The following TP53I11 variants were observed in gnomAD, a reference collection of about 807,000 sequenced individuals.
The protein encoded by TP53I11 is tumor protein p53-inducible protein 11.
Under a neutral mutation model 23.3 loss-of-function variants are expected in TP53I11, and 9 were observed. The ratio of observed to expected loss-of-function variants is 0.39; its 90% CI spans 0.23 to 0.67. The LOEUF is 0.67. Among genes scored for constraint, TP53I11 ranks in the 30% least tolerant of loss-of-function variants. The pLI is 0.48. For missense variants in TP53I11, 170 were observed against 255.2 expected, an observed-to-expected ratio of 0.67 and a Z score of 2.27; for synonymous variants, 100 against 106.1, an observed-to-expected ratio of 0.94 and a Z score of 0.35.
rs2135411735 is a variant in TP53I11, at chr11:44,934,704, C to T, written c.*180G>A. 1 of 795,838 alleles carries T rather than the reference C, an allele frequency of 1.3e-6. No individual in the cohort carries two copies. The highest frequency in any genetic ancestry group is 1.8e-5 in the South Asian group (1 of 54,484). The allele number at this position is 795,838 out of a possible 1,614,324, so 49.3% of individuals were successfully genotyped here. On this transcript the variant is annotated 3_prime_UTR_variant, in exon 7 of 7. Coordinates refer to ENST00000525680, the MANE Select transcript of TP53I11 (RefSeq NM_006034.5). ...AGACCAGCATGTCAAGCCTGAAAGC[C>T]CAGGAGATCACAGCACACGGGGTGC...
chr11:44,949,377 G>A (rs1162130548), intron 1 of TP53I11, among the ~76,000 whole-genome samples: 1 of 152,104 alleles, frequency 6.6e-6, no homozygotes, highest in Non-Finnish European at 1.5e-5. Flanking sequence ...CTCCCCGCAG[G>A]CCCGCCCCGT....
In TP53I11 at chr11:44,936,640, C is replaced by T; in HGVS notation, c.334+163G>A. ...TCCACCAATGGCCACAAGATGGCAGCACATCCCCAGCAGAGAGCTTCATCA... is the reference window on the plus strand; with the variant it reads ...TCCACCAATGGCCACAAGATGGCAGTACATCCCCAGCAGAGAGCTTCATCA... On this transcript the variant is annotated intron_variant, in intron 5 of 6. Transcript: ENST00000525680. This position sits in a 1 kb window ranked among gnomAD's most constrained non-coding sequence, Gnocchi z 4.4. 1 of 1,343,368 alleles carries T rather than the reference C, an allele frequency of 7.4e-7. No homozygotes were observed. The highest frequency in any genetic ancestry group is 3.0e-5 in the East Asian group (1 of 33,488). The allele number at this position is 1,343,368 out of a possible 1,614,324, so 83.2% of individuals were successfully genotyped here.
At position 44,938,396 on chromosome 11, in the gene TP53I11, G is replaced by C. The variant is rs1299217911; in HGVS notation, c.-31-30C>G. The C allele has an allele frequency of 4.7e-6, 7 of 1,490,288 alleles. No individual in the cohort carries two copies. In the South Asian group the frequency reaches 8.0e-5, roughly 17 times the overall value. The allele number at this position is 1,490,288 out of a possible 1,614,324, so 92.3% of individuals were successfully genotyped here. A position where few individuals can be genotyped will look rare whatever the true frequency, so the allele number is the denominator to read the frequency against. ...GGGGAGACACCGGCCTCAGGCCACAGTTCCTACCCAGCTTCCAGACCCTAG... is the reference window on the plus strand; with the variant it reads ...GGGGAGACACCGGCCTCAGGCCACACTTCCTACCCAGCTTCCAGACCCTAG... On this transcript the variant is annotated intron_variant, in intron 1 of 6. Transcript: ENST00000525680.
chr11:44,945,757 G>C (rs746340150), intron 1 of TP53I11, among the ~76,000 whole-genome samples: 6 of 152,204 alleles, frequency 3.9e-5, no homozygotes, highest in Non-Finnish European at 7.4e-5. Flanking sequence ...CTGGCAGTGA[G>C]AGCCAGAGCC....
At chr11:44,945,933 C>G (rs1862351241) in intron 1 of TP53I11, among the ~76,000 whole-genome samples, 1 of 152,206 alleles carries the variant, frequency 6.6e-6, no homozygotes, top group African/African-American at 2.4e-5. Context: ...GATCCCCTAG[C>G]CCAGAATCTA....
intron 1 of TP53I11, among the ~76,000 whole-genome samples, chr11:44,946,014 T>G (rs1006739936): frequency 7.9e-5 from 12 of 152,202 alleles, no homozygotes; most frequent in African/African-American, 2.9e-4. Flanking sequence ...ACTAAGGGAC[T>G]TGTGTTCAGA....
intron 2 of TP53I11, 62 bp downstream of exon 2, chr11:44,938,145 C>T: frequency 3.9e-6 from 6 of 1,550,586 alleles, no homozygotes; most frequent in Middle Eastern, 1.7e-4. Context: ...AACCTTCTCC[C>T]CTAATGGTGG....
In TP53I11 at chr11:44,936,928, C is replaced by A; in HGVS notation, c.238-29G>T. 2 of 1,534,544 alleles carry A rather than the reference C, an allele frequency of 1.3e-6. No individual in the cohort carries two copies. The highest frequency in any genetic ancestry group is 1.2e-5 in the South Asian group (1 of 84,000). On this transcript the variant is annotated intron_variant, in intron 4 of 6. Transcript: ENST00000525680. This position sits in a 1 kb window ranked among gnomAD's most constrained non-coding sequence, Gnocchi z 4.4. Reference sequence around the variant, plus strand: ...CGGGCAGCGAGAGGGGCTCAGAGGTCCCGCTTGGGAGAGGGTGGGGGGTGA... The same window carrying A: ...CGGGCAGCGAGAGGGGCTCAGAGGTACCGCTTGGGAGAGGGTGGGGGGTGA...
At chr11:44,949,673 G>C (rs1209365573) in intron 1 of TP53I11, among the ~76,000 whole-genome samples, 3 of 152,072 alleles carry the variant, frequency 2.0e-5, no homozygotes, top group Non-Finnish European at 2.9e-5. Context: ...TGGGCGCGGC[G>C]TTCTGGCCCT....
At chr11:44,950,555 C>T (rs930816085) in intron 1 of TP53I11, 122 bp downstream of exon 1, 1 of 151,822 alleles carries the variant, frequency 6.6e-6, no homozygotes, top group Non-Finnish European at 1.5e-5. Context: ...CGCGCGGGGT[C>T]CCGGCCGCCC....
chr11:44,937,870 T>G (rs796338003), intron 2 of TP53I11, among the ~76,000 whole-genome samples: 5 of 152,356 alleles, frequency 3.3e-5, no homozygotes, highest in African/African-American at 1.2e-4. Flanking sequence ...ACTTGAAGCC[T>G]GGTCCTGCCA....
rs578009561 is a variant in TP53I11, at chr11:44,935,088, C to T, written c.437-71G>A. 4.4e-5 allele frequency: 70 copies of T among 1,596,136 alleles called. No individual in the cohort carries two copies. In the African/African-American group the frequency reaches 4.7e-4, roughly 11 times the overall value. On this transcript the variant is annotated intron_variant, in intron 6 of 6. Coordinates refer to ENST00000525680, the MANE Select transcript of TP53I11 (RefSeq NM_006034.5). ...GTGTCCCAGCGCTGCCCCCCTAGCC[C>T]GGAGCGCTGGTGTGGCCGTCTCCCT...
At chr11:44,946,538 C>T (rs142709624) in intron 1 of TP53I11, among the ~76,000 whole-genome samples, 27 of 152,308 alleles carry the variant, frequency 1.8e-4, no homozygotes, top group African/African-American at 4.3e-4. Context: ...ATGCGAGTCC[C>T]GTGGCAGTGG....
rs1015906636 is a variant in TP53I11, at chr11:44,937,176, AG to A, written c.237+127del. On this transcript the variant is annotated intron_variant, in intron 4 of 6. Transcript: ENST00000525680. ...GTGTAGGAGTCAGGTTCTCGGAGGC[AG>A]CCCCAGAGCCTGACAGATGGGCCCC... 3 of 1,206,980 alleles carry A rather than the reference AG, an allele frequency of 2.5e-6. No homozygotes were observed. The African/African-American group carries it at 4.6e-5, about 18-fold the overall frequency. 74.8% of individuals were successfully genotyped at this position (1,206,980 alleles called of 1,614,324 possible).
chr11:44,945,203 T>C (rs1454336307), intron 1 of TP53I11, among the ~76,000 whole-genome samples: 20 of 152,154 alleles, frequency 1.3e-4, no homozygotes, highest in Admixed American at 1.3e-3. Context: ...AGCACACCTG[T>C]TCCTCCACCC....
chr11:44,949,397 T>C (rs1862710558), intron 1 of TP53I11, among the ~76,000 whole-genome samples: 1 of 152,056 alleles, frequency 6.6e-6, no homozygotes, highest in South Asian at 2.1e-4. Flanking sequence ...TCAAGAAGTT[T>C]GTTTGAAAGA....
intron 1 of TP53I11, chr11:44,947,395 G>C (rs533789069): frequency 3.3e-6 from 1 of 305,508 alleles, no homozygotes; most frequent in Non-Finnish European, 6.6e-6. Context: ...CTCCCTCTCC[G>C]ACCTGCACCC....
rs1860749075 is a variant in TP53I11, at chr11:44,933,370, CA to C, written c.*1513del. 1.3e-5 allele frequency: 2 copies of C among 152,474 alleles called. No homozygotes were observed. Among genetic ancestry groups the C allele is most frequent in the African/African-American group, 4.8e-5 (2 of 41,468 alleles). The allele number at this position is 152,474 out of a possible 1,614,324, so 9.4% of individuals were successfully genotyped here. On this transcript the variant is annotated 3_prime_UTR_variant, in exon 7 of 7. Transcript: ENST00000525680. ...GCTGTACCTATAGACACCCTCCAGC[CA>C]TCCCCCACTCTATGCCAGGATGGGA...
chr11:44,937,629 G>A lies in TP53I11; in HGVS notation c.130-16C>T, dbSNP rs1385980394. 1 of 1,612,788 alleles carries A rather than the reference G, an allele frequency of 6.2e-7. No homozygotes were observed. Among genetic ancestry groups the A allele is most frequent in the Non-Finnish European group, 8.5e-7 (1 of 1,179,850 alleles). On this transcript the variant is annotated splice_polypyrimidine_tract_variant and intron_variant, in intron 2 of 6. Transcript: ENST00000525680. ...CCTGGCTGATCTGTGGACAGAGGGGGTCAGAGGCAACCAGGGTGAGGGCAG... is the reference window on the plus strand; with the variant it reads ...CCTGGCTGATCTGTGGACAGAGGGGATCAGAGGCAACCAGGGTGAGGGCAG...
Sources: gnomAD v4.1 joint callset for allele counts (sites outside exome capture counted in the v4.1 genomes callset) on GRCh38, gnomAD v4.1.1 for gene constraint, Gnocchi (gnomAD v3.1) non-coding constraint, MANE v1.5 for transcripts, NCBI Gene and HGNC (gene_info 2026-07-23, HGNC 2026-07-21) for gene names.